GRM7: variants seen among roughly 807,000 people sequenced by gnomAD.
GRM7 encodes glutamate metabotropic receptor 7.
In GRM7, 35 loss-of-function variants were observed where a neutral mutation model predicts 84.5. That is an observed-to-expected ratio of 0.41 (90% confidence interval 0.32 to 0.55). The LOEUF (loss-of-function observed/expected upper bound fraction) is 0.55, where lower values mean the gene tolerates loss of function less well. Among genes scored for constraint, GRM7 ranks in the 20% least tolerant of loss-of-function variants. The pLI is 0.19. For synonymous variants in GRM7, 487 were observed against 455.1 expected, an observed-to-expected ratio of 1.07 and a Z score of -0.89; for missense variants, 1,003 against 1,194.6, an observed-to-expected ratio of 0.84 and a Z score of 2.36.
chr3:7,736,785 T>A (rs1487164527), intron 9 of GRM7, among the ~76,000 whole-genome samples: 1 of 152,222 alleles, frequency 6.6e-6, no homozygotes, highest in African/African-American at 2.4e-5. Flanking sequence ...TATTTTGTTA[T>A]ATTTTGTTTT....
chr3:7,301,363 A>G (rs1699994288), intron 3 of GRM7, among the ~76,000 whole-genome samples: 1 of 152,136 alleles, frequency 6.6e-6, no homozygotes, highest in African/African-American at 2.4e-5. Context: ...TTGTTTTCAT[A>G]ATATTACTCT....
At chr3:7,431,075 C>T (rs1050983910) in intron 5 of GRM7, among the ~76,000 whole-genome samples, 8 of 152,006 alleles carry the variant, frequency 5.3e-5, no homozygotes, top group Admixed American at 5.2e-4. Context: ...TGGCTCTGAA[C>T]CAGGGGTTCC....
At chr3:7,476,857 C>T (rs963375321) in intron 7 of GRM7, among the ~76,000 whole-genome samples, 16 of 152,194 alleles carry the variant, frequency 1.1e-4, no homozygotes, top group Non-Finnish European at 1.8e-4. Context: ...GTCTTGTACA[C>T]ACCATCTGAA....
At chr3:7,146,367 T>C in intron 1 of GRM7, 85 bp from the exon 2 acceptor site, 5 of 1,059,430 alleles carry the variant, frequency 4.7e-6, no homozygotes, top group South Asian at 2.6e-5. Context: ...TCAAACCCTG[T>C]ATTTTAAGTA....
chr3:6,966,313 C>G (rs1180142844), intron 1 of GRM7, among the ~76,000 whole-genome samples: 2 of 152,164 alleles, frequency 1.3e-5, no homozygotes, highest in Non-Finnish European at 2.9e-5. Context: ...TGGTTGTTCT[C>G]TTTTGGAGAT....
chr3:7,101,299 C>T (rs1699100264), intron 1 of GRM7, among the ~76,000 whole-genome samples: 1 of 151,696 alleles, frequency 6.6e-6, no homozygotes, highest in Non-Finnish European at 1.5e-5. Flanking sequence ...TTAGCCTTTT[C>T]AATGGGTGGA....
chr3:6,985,300 G>A (rs1028898678), intron 1 of GRM7, among the ~76,000 whole-genome samples: 2 of 151,926 alleles, frequency 1.3e-5, no homozygotes, highest in Admixed American at 6.6e-5. Flanking sequence ...CAAGTAGTAG[G>A]TCTTATTCAT....
chr3:7,677,041 C>T (rs1700148212), intron 8 of GRM7, among the ~76,000 whole-genome samples: 1 of 151,992 alleles, frequency 6.6e-6, no homozygotes, highest in African/African-American at 2.4e-5. Flanking sequence ...GCAGGAGGAT[C>T]ACGAGGTCAG....
At chr3:7,055,960 A>T (rs939696609) in intron 1 of GRM7, among the ~76,000 whole-genome samples, 3 of 151,992 alleles carry the variant, frequency 2.0e-5, no homozygotes, top group African/African-American at 2.4e-5. Flanking sequence ...TTTGTAGAGG[A>T]TATGGGGACA....
At chr3:6,887,092 T>C (rs965393100) in intron 1 of GRM7, among the ~76,000 whole-genome samples, 1 of 152,148 alleles carries the variant, frequency 6.6e-6, no homozygotes, top group Non-Finnish European at 1.5e-5. Context: ...TTTCACTTTA[T>C]GAGTCTTGTT....
chr3:6,934,565 A>G (rs1697622180), intron 1 of GRM7, among the ~76,000 whole-genome samples: 1 of 152,156 alleles, frequency 6.6e-6, no homozygotes, highest in Non-Finnish European at 1.5e-5. Context: ...GTATGTATCT[A>G]TAGGAGGGTA....
At chr3:6,973,278 T>C (rs996994595) in intron 1 of GRM7, among the ~76,000 whole-genome samples, 2 of 152,130 alleles carry the variant, frequency 1.3e-5, no homozygotes, top group African/African-American at 4.8e-5. Flanking sequence ...TCATTCCTTC[T>C]TTCTTTCATT....
chr3:7,599,219 G>A lies in GRM7; in HGVS notation c.2451+19862G>A, dbSNP rs184993409. On this transcript the variant is annotated intron_variant, in intron 8 of 9. Transcript: ENST00000357716. ...TACCCTGATGTCTTTACATATTGAC[G>A]TTTCCATTATTTTTAGTTCTTGATT... 1.3e-3 allele frequency among the ~76,000 whole-genome samples: 191 copies of A among 152,148 alleles called. 1 individual carries two copies. The highest frequency in any genetic ancestry group is 4.0e-3 in the African/African-American group (164 of 41,518).
At chr3:7,693,495 GA>G in intron 9 of GRM7, 1 of 666,186 alleles carries the variant, frequency 1.5e-6, no homozygotes, top group Non-Finnish European at 2.7e-6. Context: ...GGGTTAGTAT[GA>G]AAAATGCTAC....
At position 6,863,396 on chromosome 3, in the gene GRM7, T is replaced by A. The variant is rs1274981139; in HGVS notation, c.519+1489T>A. 2.6e-5 allele frequency among the ~76,000 whole-genome samples: 4 copies of A among 152,162 alleles called. No individual in the cohort carries two copies. Among genetic ancestry groups the A allele is most frequent in the Non-Finnish European group, 5.9e-5 (4 of 68,026 alleles). On this transcript the variant is annotated intron_variant, in intron 1 of 9. Transcript: ENST00000357716. This position sits in a 1 kb window ranked among gnomAD's most constrained non-coding sequence, Gnocchi z 4.8. ...GGTGTTGGGCTTCAGAAGGGGACTCTGTGAGACCCAGGCTGTCATCACATC... is the reference window on the plus strand; with the variant it reads ...GGTGTTGGGCTTCAGAAGGGGACTCAGTGAGACCCAGGCTGTCATCACATC...
intron 2 of GRM7, among the ~76,000 whole-genome samples, chr3:7,171,578 A>G (rs1364328588): frequency 6.6e-6 from 1 of 152,216 alleles, no homozygotes; most frequent in African/African-American, 2.4e-5. Context: ...CTGCATAAAT[A>G]AATATGGGTG....
chr3:7,242,482 T>A (rs1270918157), intron 2 of GRM7, among the ~76,000 whole-genome samples: 1 of 152,194 alleles, frequency 6.6e-6, no homozygotes, highest in Non-Finnish European at 1.5e-5. Flanking sequence ...AACTATGCTT[T>A]GTCTTATGCA....
intron 1 of GRM7, among the ~76,000 whole-genome samples, chr3:6,974,909 A>G (rs1029349417): frequency 2.0e-5 from 3 of 152,094 alleles, no homozygotes; most frequent in Non-Finnish European, 4.4e-5. Flanking sequence ...GAATAAATAG[A>G]TCGTGCTTTG....
chr3:7,454,749 G>A (rs1468002941), intron 6 of GRM7, among the ~76,000 whole-genome samples: 2 of 152,058 alleles, frequency 1.3e-5, no homozygotes, highest in African/African-American at 4.8e-5. Context: ...AATGAACCCT[G>A]TTGTGTTGGA....
Sources: allele counts gnomAD v4.1 joint callset (sites outside exome capture counted in the v4.1 genomes callset), GRCh38; gene constraint gnomAD v4.1.1; non-coding constraint Gnocchi (gnomAD v3.1); transcripts MANE v1.5; gene names NCBI Gene and HGNC (gene_info 2026-07-23, HGNC 2026-07-21).